The following MPZL3 variants were observed in gnomAD, a reference collection of about 807,000 sequenced individuals.
MPZL3 encodes myelin protein zero like 3, also known as myelin protein zero-like protein 3.
A neutral mutation model predicts 24.8 loss-of-function variants in MPZL3; 23 were observed. The ratio of observed to expected loss-of-function variants is 0.93; its 90% CI spans 0.67 to 1.31. The LOEUF (loss-of-function observed/expected upper bound fraction) is 1.31, where lower values mean the gene tolerates loss of function less well. MPZL3 is among the 40% of genes most tolerant of loss of function. The probability of loss-of-function intolerance (pLI) is 0.00; values close to 1 mark genes in which losing one functional copy is unlikely to be tolerated. For missense variants in MPZL3, 277 were observed against 294.9 expected (o/e 0.94, Z 0.44); for synonymous variants, 99 against 106.5 (o/e 0.93, Z 0.44).
intron 1 of MPZL3, among the ~76,000 whole-genome samples, chr11:118,245,884 A>AT (rs1949551353): frequency 6.6e-6 from 1 of 152,164 alleles, no homozygotes; most frequent in Non-Finnish European, 1.5e-5. Context: ...CTGTGGCTGC[A>AT]TTTTTTGCAG....
rs549905449 is a variant in MPZL3 at position 118,226,738 on chromosome 11, C to G, written c.*3156G>C. 3.9e-5 allele frequency: 6 copies of G among 152,090 alleles called. No homozygotes were observed. Among genetic ancestry groups the G allele is most frequent in the African/African-American group, 1.4e-4 (6 of 41,392 alleles). 9.4% of individuals were successfully genotyped at this position (152,090 alleles called of 1,614,324 possible). A position where few individuals can be genotyped will look rare whatever the true frequency, so the allele number is the denominator to read the frequency against. On this transcript the variant is annotated 3_prime_UTR_variant, in exon 6 of 6. Coordinates refer to ENST00000278949, the MANE Select transcript of MPZL3 (RefSeq NM_198275.3). ...TATTGACTATGATGCAGTAAAGATA[C>G]CAAGAGTTACAATATTTGTGCATAT...
chr11:118,229,812 T>C lies in MPZL3; in HGVS notation c.*82A>G. ...TCGCTATGGTCCAGGCCAGCTCCAC[T>C]TTCTCTGACAGGCTTTAGCTGCCAG... On this transcript the variant is annotated 3_prime_UTR_variant, in exon 6 of 6. Transcript: ENST00000278949. 6.8e-7 allele frequency: 1 copy of C among 1,474,780 alleles called. No individual in the cohort carries two copies. Among genetic ancestry groups the C allele is most frequent in the Non-Finnish European group, 9.5e-7 (1 of 1,056,820 alleles). The allele number at this position is 1,474,780 out of a possible 1,614,324, so 91.4% of individuals were successfully genotyped here.
intron 1 of MPZL3, among the ~76,000 whole-genome samples, chr11:118,241,881 C>G (rs1418600749): frequency 6.6e-6 from 1 of 152,224 alleles, no homozygotes; most frequent in East Asian, 1.9e-4. Context: ...GCCTATGGCA[C>G]CCTTTCCGAC....
Position 118,233,643 on chromosome 11 carries a change from T to C in MPZL3, c.618-120A>G. 5 of 991,076 alleles carry C rather than the reference T, an allele frequency of 5.0e-6. No individual in the cohort carries two copies. In the South Asian group the frequency reaches 5.5e-5, roughly 11 times the overall value. 61.4% of individuals were successfully genotyped at this position (991,076 alleles called of 1,614,324 possible). A position where few individuals can be genotyped will look rare whatever the true frequency, so the allele number is the denominator to read the frequency against. ...TTTAGATTCCAGTTCTTCCACTCAC[T>C]AGCTGGGTGACTGGGCAAATTGTTT... On this transcript the variant is annotated intron_variant, in intron 4 of 5. Coordinates refer to ENST00000278949, the MANE Select transcript of MPZL3 (RefSeq NM_198275.3).
Position 118,237,186 on chromosome 11 carries a change from A to C in MPZL3, c.315T>G (p.Asn105Lys). The C allele has an allele frequency of 6.2e-7, 1 of 1,614,096 alleles. No homozygotes were observed. Among genetic ancestry groups the C allele is most frequent in the Non-Finnish European group, 8.5e-7 (1 of 1,179,974 alleles). Residue 105 changes from asparagine (N) to lysine (K), a missense_variant, in exon 3 of 6, where the codon AAT (asparagine) becomes AAG (lysine). Physicochemically the swap from Asn to Lys is moderately conservative, Grantham distance 94. Coordinates refer to ENST00000278949, the MANE Select transcript of MPZL3 (RefSeq NM_198275.3). ...TFRDRISWVG[N>K]VYKGDASISI... ...TTATAGATGCATCCCCTTTGTATAC[A>C]TTTCCAACCCAGGAAATCCGATCCC... is the stretch of plus-strand genomic sequence containing the variant.
At position 118,229,297 on chromosome 11, in the gene MPZL3, A is replaced by G. The variant is rs1015917894; in HGVS notation, c.*597T>C. 1 of 152,288 alleles carries G rather than the reference A, an allele frequency of 6.6e-6. No individual in the cohort carries two copies. The highest frequency in any genetic ancestry group is 1.5e-5 in the Non-Finnish European group (1 of 68,080). 9.4% of individuals were successfully genotyped at this position (152,288 alleles called of 1,614,324 possible). ...TTAAAAACCCAGTCAAAGCAAACCAATGACTTGATCCTACCAACTCTAAGG... is the reference window on the plus strand; with the variant it reads ...TTAAAAACCCAGTCAAAGCAAACCAGTGACTTGATCCTACCAACTCTAAGG... On this transcript the variant is annotated 3_prime_UTR_variant, in exon 6 of 6. Transcript: ENST00000278949.
intron 5 of MPZL3, among the ~76,000 whole-genome samples, chr11:118,230,124 A>T (rs960993171): frequency 6.6e-6 from 1 of 152,200 alleles, no homozygotes; most frequent in Admixed American, 6.5e-5. Flanking sequence ...TCTGCTTTGA[A>T]GCCCTAGTGG....
chr11:118,233,476 C>A lies in MPZL3; in HGVS notation c.665G>T (p.Arg222Leu), dbSNP rs1346332239. ...EEACMARLCV[R>L]CAECLDSDYE... is the part of the protein sequence containing the mutation. ...TGCACTTACCAGGCACTCAGCGCAA[C>A]GGACACAAAGCCTCGCCATACACGC... is the stretch of plus-strand genomic sequence containing the variant. The change falls in exon 5 of 6, where the codon CGT becomes CTT. Residue 222 changes from arginine (R) to leucine (L), a missense_variant. Transcript: ENST00000278949. 2 of 1,613,746 alleles carry A rather than the reference C, an allele frequency of 1.2e-6. No homozygotes were observed. The highest frequency in any genetic ancestry group is 1.7e-6 in the Non-Finnish European group (2 of 1,179,886).
At chr11:118,248,435 G>A (rs1042244624) in intron 1 of MPZL3, among the ~76,000 whole-genome samples, 2 of 152,020 alleles carry the variant, frequency 1.3e-5, no homozygotes, top group Admixed American at 1.3e-4. Flanking sequence ...ATTATAGTAA[G>A]TACGCCATCA....
chr11:118,233,746 C>A (rs1949384241), intron 4 of MPZL3, among the ~76,000 whole-genome samples: 1 of 152,160 alleles, frequency 6.6e-6, no homozygotes, highest in Admixed American at 6.5e-5. Context: ...GTAATCCCAG[C>A]ACTTTGGGAG....
intron 1 of MPZL3, among the ~76,000 whole-genome samples, chr11:118,245,227 C>G (rs1452973417): frequency 6.6e-6 from 1 of 151,654 alleles, no homozygotes; most frequent in East Asian, 1.9e-4. Flanking sequence ...GGCGAAACCC[C>G]GTCTCTACTA....
In MPZL3 at chr11:118,233,526, G is replaced by A; in HGVS notation, c.618-3C>T. The A allele has an allele frequency of 6.2e-7, 1 of 1,613,688 alleles. No individual in the cohort carries two copies. The highest frequency in any genetic ancestry group is 8.5e-7 in the Non-Finnish European group (1 of 1,179,808). On this transcript the variant is annotated splice_region_variant and splice_polypyrimidine_tract_variant and intron_variant, in intron 4 of 5. Coordinates refer to ENST00000278949, the MANE Select transcript of MPZL3 (RefSeq NM_198275.3). ...CCTCTTCCTCCTCCTGATCAGTGCT[G>A]TAAAAAGAGGACAAACCAAATCTGA...
intron 5 of MPZL3, among the ~76,000 whole-genome samples, chr11:118,230,362 CT>C (rs1385109636): frequency 2.0e-5 from 3 of 152,132 alleles, no homozygotes; most frequent in South Asian, 2.1e-4. Flanking sequence ...AAGTTATTAA[CT>C]TCTCTAAGCC....
At chr11:118,250,027 G>A (rs1291681422) in intron 1 of MPZL3, among the ~76,000 whole-genome samples, 1 of 151,566 alleles carries the variant, frequency 6.6e-6, no homozygotes, top group Admixed American at 6.6e-5. Context: ...ATTGAGGCAG[G>A]ATCTCATTCC....
rs1311375887 is a variant in MPZL3, at chr11:118,227,912, C to G, written c.*1982G>C. On this transcript the variant is annotated 3_prime_UTR_variant, in exon 6 of 6. Transcript: ENST00000278949. ...CAATGAGATCTCTATCTTCAAATCTCTGAGAGCCCAAGTTATTTACTCTCA... is the reference window on the plus strand; with the variant it reads ...CAATGAGATCTCTATCTTCAAATCTGTGAGAGCCCAAGTTATTTACTCTCA... 3.3e-5 allele frequency: 5 copies of G among 152,202 alleles called. No homozygotes were observed. Among genetic ancestry groups the G allele is most frequent in the Non-Finnish European group, 5.9e-5 (4 of 68,030 alleles). 9.4% of individuals were successfully genotyped at this position (152,202 alleles called of 1,614,324 possible).
At chr11:118,250,168 A>ATTTTTTTTTTTT (rs71041823) in intron 1 of MPZL3, among the ~76,000 whole-genome samples, 3 of 104,260 alleles carry the variant, frequency 2.9e-5, no homozygotes, top group African/African-American at 3.8e-5. Flanking sequence ...CACCTGGCTA[A>ATTTTTTTTTTTT]TTTTTTTTTT....
intron 1 of MPZL3, among the ~76,000 whole-genome samples, chr11:118,251,116 TGTGA>T: frequency 7.9e-6 from 1 of 127,118 alleles, no homozygotes; most frequent in East Asian, 2.4e-4. Flanking sequence ...TGTGTGTGTG[TGTGA>T]AAGAGAGAGA....
chr11:118,245,538 T>C (rs927176476), intron 1 of MPZL3, among the ~76,000 whole-genome samples: 8 of 152,142 alleles, frequency 5.3e-5, no homozygotes, highest in Admixed American at 3.3e-4. Context: ...ACTAGAAAAG[T>C]ACTAGGCTTG....
chr11:118,242,568 T>A (rs1177702181), intron 1 of MPZL3, among the ~76,000 whole-genome samples: 1 of 152,194 alleles, frequency 6.6e-6, no homozygotes, highest in East Asian at 1.9e-4. Context: ...TCCTGCCATG[T>A]CCCACATGTA....
Sources: allele counts gnomAD v4.1 joint callset (sites outside exome capture counted in the v4.1 genomes callset), GRCh38; gene constraint gnomAD v4.1.1; transcripts MANE v1.5; gene names NCBI Gene and HGNC (gene_info 2026-07-23, HGNC 2026-07-21).